The following SPIRE1 variants were observed in gnomAD, a reference collection of about 807,000 sequenced individuals.
SPIRE1 encodes protein spire homolog 1.
In SPIRE1, 40 loss-of-function variants were observed where a neutral mutation model predicts 94.1. That is an observed-to-expected ratio of 0.43 (90% confidence interval 0.33 to 0.55). The LOEUF (loss-of-function observed/expected upper bound fraction) is 0.55, where lower values mean the gene tolerates loss of function less well. Among genes scored for constraint, SPIRE1 ranks in the 20% least tolerant of loss-of-function variants. SPIRE1 has a pLI of 0.06. For missense variants in SPIRE1, 838 were observed against 975.2 expected (o/e 0.86, Z 1.87); for synonymous variants, 376 against 371.7 (o/e 1.01, Z -0.13).
chr18:12,531,197 G>C (rs1185990479), intron 4 of SPIRE1, among the ~76,000 whole-genome samples: 21 of 152,062 alleles, frequency 1.4e-4, no homozygotes, highest in Admixed American at 1.4e-3. Context: ...ACTGTGCCTG[G>C]CCTCCCTCTT....
intron 9 of SPIRE1, among the ~76,000 whole-genome samples, chr18:12,482,473 T>C (rs1452900503): frequency 6.6e-6 from 1 of 152,088 alleles, no homozygotes; most frequent in African/African-American, 2.4e-5. Flanking sequence ...GCAAAATAAA[T>C]AAATAAATAA....
rs748714026 is a variant in SPIRE1 at position 12,546,706 on chromosome 18, A to C, written c.571T>G (p.Ser191Ala). 6.2e-7 allele frequency: 1 copy of C among 1,614,046 alleles called. No individual in the cohort carries two copies. The highest frequency in any genetic ancestry group is 2.2e-5 in the East Asian group (1 of 44,878). Residue 191 changes from serine (S) to alanine (A), a missense_variant, in exon 3 of 17, where the codon TCA becomes GCA. Coordinates refer to ENST00000409402, the MANE Select transcript of SPIRE1 (RefSeq NM_001128626.2). ...ACATCTCTATATGACCGAATAGCTG[A>C]GATTTTTCTCTTTTCATCTTCATCT... is the stretch of plus-strand genomic sequence containing the variant. ...LGDEDEKRKI[S>A]AIRSYRDVMK... is the part of the protein sequence containing the mutation.
chr18:12,489,369 C>T (rs928616051), intron 8 of SPIRE1, among the ~76,000 whole-genome samples: 6 of 152,176 alleles, frequency 3.9e-5, no homozygotes, highest in Admixed American at 1.3e-4. Flanking sequence ...AGCACTCTTC[C>T]ATCTTCTCTA....
intron 2 of SPIRE1, among the ~76,000 whole-genome samples, chr18:12,625,533 A>G (rs2037596824): frequency 6.6e-6 from 1 of 152,228 alleles, no homozygotes; most frequent in African/African-American, 2.4e-5. Context: ...GAGTAGATTC[A>G]ATAATAATTG....
At chr18:12,491,958 C>T (rs1273343646) in intron 8 of SPIRE1, among the ~76,000 whole-genome samples, 1 of 152,162 alleles carries the variant, frequency 6.6e-6, no homozygotes, top group Non-Finnish European at 1.5e-5. Flanking sequence ...GTTAAGGTTT[C>T]TACATTGGGA....
At chr18:12,509,275 C>T (rs1348245475) in intron 5 of SPIRE1, among the ~76,000 whole-genome samples, 3 of 152,146 alleles carry the variant, frequency 2.0e-5, no homozygotes, top group Admixed American at 6.5e-5. Context: ...AATATAACTC[C>T]CTCTGGAGTT....
chr18:12,601,021 C>T (rs908519153), intron 2 of SPIRE1, among the ~76,000 whole-genome samples: 2 of 152,104 alleles, frequency 1.3e-5, no homozygotes, highest in African/African-American at 2.4e-5. Flanking sequence ...TTTGCCTGGC[C>T]CATTATCGTT....
intron 1 of SPIRE1, among the ~76,000 whole-genome samples, chr18:12,648,143 A>G (rs71351501): frequency 0.074 from 11,213 of 152,296 alleles, 578 homozygotes; most frequent in Non-Finnish European, 0.11. Flanking sequence ...AGAATTCAAA[A>G]TAACTCTAAG....
chr18:12,456,377 G>A (rs753511111), intron 12 of SPIRE1, among the ~76,000 whole-genome samples: 2 of 152,158 alleles, frequency 1.3e-5, no homozygotes, highest in East Asian at 1.9e-4. Flanking sequence ...GAATACATCC[G>A]AATGATGGCA....
In SPIRE1 at chr18:12,503,985, C is replaced by T. The variant is rs1184161575; in HGVS notation, c.972+2492G>A. Among the ~76,000 whole-genome samples, 4 of 147,210 alleles carry T rather than the reference C, an allele frequency of 2.7e-5. 1 individual carries two copies. Among genetic ancestry groups the T allele is most frequent in the African/African-American group, 5.1e-5 (2 of 39,236 alleles). The stretch of plus-strand genomic sequence containing the variant: ...GGGCAACTAGGGAATATGTACATAG[C>T]ACAGAGCACTGGGGTCAGAGAGAAT... On this transcript the variant is annotated intron_variant, in intron 6 of 16. Transcript: ENST00000409402.
intron 5 of SPIRE1, among the ~76,000 whole-genome samples, chr18:12,511,926 C>T (rs907155253): frequency 2.6e-5 from 4 of 151,992 alleles, no homozygotes; most frequent in Non-Finnish European, 5.9e-5. Context: ...AATAAAAATC[C>T]TCCTATTTTA....
chr18:12,579,196 CACAT>C (rs57494003), intron 2 of SPIRE1, among the ~76,000 whole-genome samples: 20,524 of 90,386 alleles, frequency 0.23, 1,571 homozygotes, highest in Non-Finnish European at 0.27. Context: ...TACACACACA[CACAT>C]ACACACACAC....
intron 6 of SPIRE1, among the ~76,000 whole-genome samples, chr18:12,502,284 A>C: frequency 6.6e-6 from 1 of 152,356 alleles, no homozygotes; most frequent in African/African-American, 2.4e-5. Context: ...AAAACAAAAA[A>C]GATTTAGCAA....
chr18:12,616,278 GAT>G (rs2037305433), intron 2 of SPIRE1, among the ~76,000 whole-genome samples: 1 of 152,104 alleles, frequency 6.6e-6, no homozygotes, highest in African/African-American at 2.4e-5. Context: ...AAAGCCCTGG[GAT>G]CAGGTGAAGA....
At chr18:12,654,768 G>A (rs997119746) in intron 1 of SPIRE1, among the ~76,000 whole-genome samples, 1 of 151,916 alleles carries the variant, frequency 6.6e-6, no homozygotes, top group African/African-American at 2.4e-5. Context: ...AGTGGCTCAC[G>A]CCTGCAATCC....
At chr18:12,492,811 C>T (rs1173163224) in intron 8 of SPIRE1, among the ~76,000 whole-genome samples, 1 of 152,114 alleles carries the variant, frequency 6.6e-6, no homozygotes, top group African/African-American at 2.4e-5. Context: ...CTTTCAATTA[C>T]GGCACGATGT....
intron 3 of SPIRE1, among the ~76,000 whole-genome samples, chr18:12,542,337 C>T (rs890385983): frequency 6.6e-6 from 1 of 152,126 alleles, no homozygotes; most frequent in Non-Finnish European, 1.5e-5. Flanking sequence ...AGATTTTGTA[C>T]TTTCAGTCCA....
rs370421347 is a variant in SPIRE1 at position 12,454,493 on chromosome 18, A to G, written c.1639-10T>C. The G allele has an allele frequency of 6.8e-5, 109 of 1,613,774 alleles. No individual in the cohort carries two copies. Among genetic ancestry groups the G allele is most frequent in the Non-Finnish European group, 9.0e-5 (106 of 1,179,936 alleles). On this transcript the variant is annotated splice_polypyrimidine_tract_variant and intron_variant, in intron 12 of 16. Coordinates refer to ENST00000409402, the MANE Select transcript of SPIRE1 (RefSeq NM_001128626.2). ...GGTAGCAGAATTCCTCCTGAAATTC[A>G]AAATGTCACGTGAATAAGAGATTCC...
At chr18:12,604,566 T>C (rs1598519759) in intron 2 of SPIRE1, among the ~76,000 whole-genome samples, 1 of 152,214 alleles carries the variant, frequency 6.6e-6, no homozygotes, top group Admixed American at 6.5e-5. Flanking sequence ...TATATCTGAG[T>C]TGACATGATG....
Sources: allele counts gnomAD v4.1 joint callset (sites outside exome capture counted in the v4.1 genomes callset), GRCh38; gene constraint gnomAD v4.1.1; transcripts MANE v1.5; gene names NCBI Gene and HGNC (gene_info 2026-07-23, HGNC 2026-07-21).